DGKI: variants seen among roughly 807,000 people sequenced by gnomAD.
The protein encoded by DGKI is diacylglycerol kinase iota.
A neutral mutation model predicts 147.5 loss-of-function variants in DGKI; 55 were observed. That is an observed-to-expected ratio of 0.37 (90% CI 0.30 to 0.47). The LOEUF (loss-of-function observed/expected upper bound fraction) is 0.47. Ranked by LOEUF, DGKI falls within the 20% of genes least tolerant of loss-of-function variation. The pLI, the probability that DGKI is intolerant of heterozygous loss-of-function variation, is 1.00. For missense variants in DGKI, 1,007 were observed against 1,323.8 expected (o/e 0.76, Z 3.71); for synonymous variants, 469 against 477.1 (o/e 0.98, Z 0.22).
intron 1 of DGKI, among the ~76,000 whole-genome samples, chr7:137,838,435 C>T (rs1470252563): frequency 6.6e-6 from 1 of 152,174 alleles, no homozygotes; most frequent in Non-Finnish European, 1.5e-5. Flanking sequence ...GGAACCCTTT[C>T]CGACCGCTTC....
intron 8 of DGKI, among the ~76,000 whole-genome samples, chr7:137,616,669 A>C (rs1820541359): frequency 6.6e-6 from 1 of 152,184 alleles, no homozygotes. Flanking sequence ...AAACATAGGA[A>C]GAAGAATGAT....
chr7:137,689,621 G>A (rs1300268351), intron 2 of DGKI, among the ~76,000 whole-genome samples: 1 of 152,228 alleles, frequency 6.6e-6, no homozygotes, highest in Non-Finnish European at 1.5e-5. Flanking sequence ...AATAAAGACT[G>A]CGCACGAGGT....
At chr7:137,598,598 C>T (rs1414730536) in intron 11 of DGKI, among the ~76,000 whole-genome samples, 3 of 152,140 alleles carry the variant, frequency 2.0e-5, no homozygotes, top group Admixed American at 2.0e-4. Context: ...CAGGAAAATG[C>T]ATTGACACTG....
At chr7:137,702,706 A>C (rs1457503985) in intron 1 of DGKI, among the ~76,000 whole-genome samples, 2 of 152,170 alleles carry the variant, frequency 1.3e-5, no homozygotes, top group Non-Finnish European at 2.9e-5. Context: ...AAAGGGCAAA[A>C]TACATTTGGA....
At chr7:137,708,989 A>C (rs6947666) in intron 1 of DGKI, among the ~76,000 whole-genome samples, 23,745 of 152,180 alleles carry the variant, frequency 0.16, 5,310 homozygotes, top group African/African-American at 0.5. Context: ...CTGGCATTGT[A>C]AAGTGGAAAG....
In DGKI at chr7:137,619,847, T is replaced by G; in HGVS notation, c.970A>C (p.Ile324Leu). The G allele has an allele frequency of 6.2e-7, 1 of 1,613,770 alleles. No individual in the cohort carries two copies. Among genetic ancestry groups the G allele is most frequent in the Non-Finnish European group, 8.5e-7 (1 of 1,179,916 alleles). Reference protein sequence around the residue: ...HAAVIVPPTWIIKVKKPQNSL... With the variant: ...HAAVIVPPTWLIKVKKPQNSL... ...ACCTGAGGTTTCTTCACCTTAATGATCCAAGTGGGCGGGACAATAACAGCA... is the reference window on the plus strand; with the variant it reads ...ACCTGAGGTTTCTTCACCTTAATGAGCCAAGTGGGCGGGACAATAACAGCA... The change falls in exon 8 of 33, where the codon ATC becomes CTC. Residue 324 changes from isoleucine (I) to leucine (L), a missense_variant. Physicochemically the swap from Ile to Leu is conservative, Grantham distance 5. Around this residue, in one of 5 missense-constraint regions of DGKI, gnomAD observed 259 missense variants for 362.5 expected, o/e 0.71. Transcript: ENST00000614521.
chr7:137,811,362 T>TCC (rs1432480985), intron 1 of DGKI, among the ~76,000 whole-genome samples: 4 of 113,806 alleles, frequency 3.5e-5, no homozygotes, highest in Non-Finnish European at 7.8e-5. Context: ...TCTCTCTCTC[T>TCC]CCCTCTCTCT....
intron 19 of DGKI, among the ~76,000 whole-genome samples, chr7:137,556,805 A>G (rs1235152817): frequency 6.6e-6 from 1 of 152,194 alleles, no homozygotes; most frequent in Non-Finnish European, 1.5e-5. Flanking sequence ...ATTTTAAGGA[A>G]TCTTGTTGTC....
chr7:137,651,326 T>C (rs537532727), intron 5 of DGKI, among the ~76,000 whole-genome samples: 1 of 152,206 alleles, frequency 6.6e-6, no homozygotes, highest in Admixed American at 6.5e-5. Flanking sequence ...TTGGATGGAT[T>C]TGAAATATAT....
chr7:137,397,403 C>T lies in DGKI; in HGVS notation c.2931G>A (p.Glu977=), dbSNP rs772215901. ...TTTCACTGTCTGCCATATCCAATAACTCGGAAGGTCCTAAATAAGAAGAAA... is the reference window on the plus strand; with the variant it reads ...TTTCACTGTCTGCCATATCCAATAATTCGGAAGGTCCTAAATAAGAAGAAA... ...VKYILDHGPS[E]LLDMADSETG... Residue 977 remains glutamate (E), a synonymous_variant, in exon 31 of 33, where the codon GAG becomes GAA. Coordinates refer to ENST00000614521, the MANE Select transcript of DGKI (RefSeq NM_001321708.2). The T allele has an allele frequency of 6.2e-7, 1 of 1,613,070 alleles. No individual in the cohort carries two copies. The highest frequency in any genetic ancestry group is 8.5e-7 in the Non-Finnish European group (1 of 1,179,736).
In DGKI at chr7:137,458,685, G is replaced by T. The variant is rs73443779; in HGVS notation, c.2735+4804C>A. On this transcript the variant is annotated intron_variant, in intron 27 of 32. Coordinates refer to ENST00000614521, the MANE Select transcript of DGKI (RefSeq NM_001321708.2). ...TCCATGCCTATTTTCTTTTCTCATA[G>T]ATCCTCAAGTGGCAAAATTCTTCCT... Among the ~76,000 whole-genome samples, 628 of 152,208 alleles carry T rather than the reference G, an allele frequency of 4.1e-3. 7 individuals carry two copies. Among genetic ancestry groups the T allele is most frequent in the African/African-American group, 0.014 (597 of 41,542 alleles).
chr7:137,538,198 G>A (rs1295001416), intron 20 of DGKI, among the ~76,000 whole-genome samples: 1 of 152,094 alleles, frequency 6.6e-6, no homozygotes, highest in African/African-American at 2.4e-5. Flanking sequence ...GAAGATCAAA[G>A]GTTCTTTGCT....
intron 1 of DGKI, among the ~76,000 whole-genome samples, chr7:137,715,154 C>T (rs746224933): frequency 6.6e-6 from 1 of 152,142 alleles, no homozygotes; most frequent in Admixed American, 6.5e-5. Flanking sequence ...GACCAGTGGT[C>T]TGGTTTTTGA....
chr7:137,640,013 T>C (rs958587082), intron 6 of DGKI, among the ~76,000 whole-genome samples: 9 of 152,026 alleles, frequency 5.9e-5, no homozygotes, highest in Non-Finnish European at 1.2e-4. Flanking sequence ...TAGGTTTTTT[T>C]TTTTTTGGTG....
At chr7:137,615,904 CG>C (rs1260147515) in intron 8 of DGKI, among the ~76,000 whole-genome samples, 11 of 152,082 alleles carry the variant, frequency 7.2e-5, no homozygotes, top group African/African-American at 2.7e-4. Context: ...AAGGTTATTA[CG>C]GGCCCAGGTG....
At chr7:137,398,384 A>T (rs536821066) in intron 30 of DGKI, among the ~76,000 whole-genome samples, 1 of 152,320 alleles carries the variant, frequency 6.6e-6, no homozygotes, top group African/African-American at 2.4e-5. Context: ...TGCTTTGTCT[A>T]GCATTGTGTC....
intron 1 of DGKI, among the ~76,000 whole-genome samples, chr7:137,844,720 C>T (rs1271195022): frequency 6.6e-6 from 1 of 152,152 alleles, no homozygotes; most frequent in Non-Finnish European, 1.5e-5. Flanking sequence ...ACTCAGAAAG[C>T]CAAAACCCCA....
intron 6 of DGKI, among the ~76,000 whole-genome samples, chr7:137,637,551 C>A (rs1457047171): frequency 6.6e-6 from 1 of 152,206 alleles, no homozygotes; most frequent in Non-Finnish European, 1.5e-5. Flanking sequence ...AACTGCTAAA[C>A]CAACTTGAAG....
chr7:137,447,099 T>A (rs1813747468), intron 27 of DGKI, among the ~76,000 whole-genome samples: 1 of 152,256 alleles, frequency 6.6e-6, no homozygotes, highest in African/African-American at 2.4e-5. Context: ...GCTTTGTTTT[T>A]ATTTATTTTG....
Sources: allele counts gnomAD v4.1 joint callset (sites outside exome capture counted in the v4.1 genomes callset), GRCh38; gene constraint gnomAD v4.1.1; regional missense constraint gnomAD v4.1.1; transcripts MANE v1.5; gene names NCBI Gene and HGNC (gene_info 2026-07-23, HGNC 2026-07-21).